GRK5: variants seen among roughly 807,000 people sequenced by gnomAD.
GRK5 encodes the protein g protein-coupled receptor kinase GRK5.
Under a neutral mutation model 78.4 loss-of-function variants are expected in GRK5, and 40 were observed. The ratio of observed to expected loss-of-function variants is 0.51; its 90% CI spans 0.40 to 0.66. The LOEUF (loss-of-function observed/expected upper bound fraction) is 0.66. Among genes scored for constraint, GRK5 ranks in the 30% least tolerant of loss-of-function variants. The pLI is 0.00. For missense variants in GRK5, 598 were observed against 759.9 expected (o/e 0.79, Z 2.50); for synonymous variants, 289 against 296.8 (o/e 0.97, Z 0.27).
chr10:119,340,488 T>C (rs1305624177), intron 2 of GRK5, among the ~76,000 whole-genome samples: 2 of 152,248 alleles, frequency 1.3e-5, no homozygotes. Flanking sequence ...ATGGTTGCAA[T>C]TTCCAAAACA....
intron 4 of GRK5, among the ~76,000 whole-genome samples, chr10:119,400,364 G>A (rs1852128754): frequency 6.6e-6 from 1 of 152,188 alleles, no homozygotes; most frequent in Non-Finnish European, 1.5e-5. Flanking sequence ...GGAAGGAGGA[G>A]CGGCCTTCAT....
At chr10:119,361,287 AGAAGCCCCACCCCACTTGGATGTC>A (rs1851358321) in intron 2 of GRK5, among the ~76,000 whole-genome samples, 1 of 152,208 alleles carries the variant, frequency 6.6e-6, no homozygotes, top group African/African-American at 2.4e-5. Flanking sequence ...GAACATGAGC[AGAAGCCCCACCCCACTTGGATGTC>A]TGGTGGTCTT....
intron 1 of GRK5, among the ~76,000 whole-genome samples, chr10:119,322,283 C>T (rs1279399150): frequency 3.3e-5 from 5 of 152,210 alleles, no homozygotes; most frequent in Non-Finnish European, 7.3e-5. Flanking sequence ...GCCAACCATG[C>T]TTTGTTCCAG....
intron 13 of GRK5, among the ~76,000 whole-genome samples, chr10:119,449,616 C>G (rs1051188354): frequency 2.7e-5 from 4 of 150,750 alleles, no homozygotes; most frequent in Non-Finnish European, 5.9e-5. Context: ...CGTGGTGAAA[C>G]CCCATCTCTA....
intron 3 of GRK5, among the ~76,000 whole-genome samples, chr10:119,389,863 A>C (rs1851861157): frequency 6.6e-6 from 1 of 152,060 alleles, no homozygotes; most frequent in Admixed American, 6.6e-5. Flanking sequence ...TGGGGGCTAC[A>C]GAAGTGCTTG....
At chr10:119,266,403 C>A (rs999048393) in intron 1 of GRK5, among the ~76,000 whole-genome samples, 2 of 151,884 alleles carry the variant, frequency 1.3e-5, no homozygotes, top group Non-Finnish European at 2.9e-5. Context: ...TTGCAGTGAG[C>A]AGTGAGCCGA....
At chr10:119,330,558 T>G (rs1850758331) in intron 2 of GRK5, among the ~76,000 whole-genome samples, 1 of 152,112 alleles carries the variant, frequency 6.6e-6, no homozygotes, top group Admixed American at 6.5e-5. Context: ...ATGCGGACAT[T>G]CAGTCCATAG....
intron 1 of GRK5, among the ~76,000 whole-genome samples, chr10:119,279,667 C>T (rs547593859): frequency 1.2e-4 from 19 of 152,278 alleles, no homozygotes; most frequent in African/African-American, 3.6e-4. Flanking sequence ...ACTTTGTGGC[C>T]GAGGCCAGCT....
chr10:119,340,902 G>A (rs1589753868), intron 2 of GRK5, among the ~76,000 whole-genome samples: 1 of 152,320 alleles, frequency 6.6e-6, no homozygotes, highest in East Asian at 1.9e-4. Flanking sequence ...TGAGCCTTTG[G>A]TTGGACAAAT....
At chr10:119,232,205 T>G (rs950074352) in intron 1 of GRK5, among the ~76,000 whole-genome samples, 2 of 152,216 alleles carry the variant, frequency 1.3e-5, no homozygotes, top group African/African-American at 4.8e-5. Context: ...GAGGGCATTA[T>G]GCTAAGTGAA....
At position 119,253,832 on chromosome 10, in the gene GRK5, G is replaced by A. The variant is rs1849239167; in HGVS notation, c.52+45863G>A. Among the ~76,000 whole-genome samples, 2 of 145,554 alleles carry A rather than the reference G, an allele frequency of 1.4e-5. No individual in the cohort carries two copies. The highest frequency in any genetic ancestry group is 2.6e-5 in the African/African-American group (1 of 38,738). Reference sequence around the variant, plus strand: ...TTGTTTAGTGTTTGGGTTCCTGGTGGTTCTTTGCCCCAGGGGTGTGTGTGT... The same window carrying A: ...TTGTTTAGTGTTTGGGTTCCTGGTGATTCTTTGCCCCAGGGGTGTGTGTGT... On this transcript the variant is annotated intron_variant, in intron 1 of 15. Transcript: ENST00000392870. The surrounding 1 kb of genome is among the most constrained non-coding windows in gnomAD (Gnocchi z 5.7).
chr10:119,321,893 T>C (rs920772634), intron 1 of GRK5, among the ~76,000 whole-genome samples: 2 of 151,892 alleles, frequency 1.3e-5, no homozygotes, highest in African/African-American at 4.8e-5. Flanking sequence ...GCCCCATCAC[T>C]AACAGATCTC....
At chr10:119,335,809 A>C (rs1850877170) in intron 2 of GRK5, 1 of 151,558 alleles carries the variant, frequency 6.6e-6, no homozygotes, top group East Asian at 1.9e-4. Context: ...TGTCACTGTC[A>C]TCAAGATGAA....
rs1288428019 is a variant in GRK5, at chr10:119,261,057, G to T, written c.52+53088G>T. ...GGGCTGACCCCCCCACCTCCCTCCC[G>T]GACGGGGCGGCTGGCCGGGCGGAGA... On this transcript the variant is annotated intron_variant, in intron 1 of 15. Transcript: ENST00000392870. 6.9e-4 allele frequency among the ~76,000 whole-genome samples: 47 copies of T among 67,818 alleles called. 2 individuals are homozygous for T. Among genetic ancestry groups the T allele is most frequent in the Admixed American group, 2.1e-3 (13 of 6,156 alleles). The allele number at this position is 67,818 out of a possible 152,430, so 44.5% of individuals were successfully genotyped here. A position where few individuals can be genotyped will look rare whatever the true frequency, so the allele number is the denominator to read the frequency against.
rs1852795162 is a variant in GRK5, at chr10:119,430,562, G to A, written c.597+124G>A. The A allele has an allele frequency of 2.7e-6, 2 of 749,924 alleles. No homozygotes were observed. The highest frequency in any genetic ancestry group is 2.6e-5 in the Admixed American group (1 of 38,512). 46.5% of individuals were successfully genotyped at this position (749,924 alleles called of 1,614,324 possible). A position where few individuals can be genotyped will look rare whatever the true frequency, so the allele number is the denominator to read the frequency against. Reference sequence around the variant, plus strand: ...CGGGGGCACCAGTGGCTCAATGTGGGCCCCGGGGGCAGTGAGGGTGGGAGA... The same window carrying A: ...CGGGGGCACCAGTGGCTCAATGTGGACCCCGGGGGCAGTGAGGGTGGGAGA... On this transcript the variant is annotated intron_variant, in intron 7 of 15. Coordinates refer to ENST00000392870, the MANE Select transcript of GRK5 (RefSeq NM_005308.3). The surrounding 1 kb of genome is among the most constrained non-coding windows in gnomAD (Gnocchi z 4.5).
chr10:119,299,740 G>T (rs59410287), intron 1 of GRK5, among the ~76,000 whole-genome samples: 10 of 151,928 alleles, frequency 6.6e-5, no homozygotes, highest in Admixed American at 6.6e-4. Context: ...CTGGAGTAGC[G>T]TGCTGGGCTC....
intron 2 of GRK5, chr10:119,333,272 C>T (rs979517603): frequency 6.5e-6 from 1 of 153,812 alleles, no homozygotes; most frequent in African/African-American, 2.4e-5. Context: ...TGCTGTAACC[C>T]ACCCCTCCCC....
chr10:119,395,770 A>C (rs1057004641), intron 3 of GRK5, among the ~76,000 whole-genome samples: 2 of 152,082 alleles, frequency 1.3e-5, no homozygotes, highest in African/African-American at 4.8e-5. Context: ...TTGGCTAGTT[A>C]TCAGAGTCCT....
chr10:119,233,119 C>G (rs1010390684), intron 1 of GRK5, among the ~76,000 whole-genome samples: 3 of 152,182 alleles, frequency 2.0e-5, no homozygotes, highest in African/African-American at 7.2e-5. Flanking sequence ...CTCCTCCATG[C>G]CAGAGGCAAG....
Sources: allele counts gnomAD v4.1 joint callset (sites outside exome capture counted in the v4.1 genomes callset), GRCh38; gene constraint gnomAD v4.1.1; non-coding constraint Gnocchi (gnomAD v3.1); transcripts MANE v1.5; gene names NCBI Gene and HGNC (gene_info 2026-07-23, HGNC 2026-07-21).